The following SMAD9 variants were observed in gnomAD, a reference collection of about 807,000 sequenced individuals.
SMAD9 encodes MAD homolog 9.
SMAD9 carries 36 observed loss-of-function variants against 46.1 expected under a neutral mutation model. The ratio of observed to expected loss-of-function variants is 0.78; its 90% CI spans 0.60 to 1.03. The LOEUF is 1.03. Among genes scored for constraint, SMAD9 ranks in the 50% least tolerant of loss-of-function variants. The pLI is 0.00. For missense variants in SMAD9, 572 were observed against 599.8 expected (o/e 0.95, Z 0.48); for synonymous variants, 245 against 237.1 (o/e 1.03, Z -0.31).
chr13:36,879,222 TGGG>T (rs1485086277), intron 2 of SMAD9, 53 bp downstream of exon 2: 6 of 1,461,052 alleles, frequency 4.1e-6, no homozygotes, highest in Non-Finnish European at 4.8e-6. Context: ...TCTCCATCAA[TGGG>T]GCACACGACC....
intron 5 of SMAD9, among the ~76,000 whole-genome samples, chr13:36,861,227 T>C (rs2058178593): frequency 6.6e-6 from 1 of 152,180 alleles, no homozygotes; most frequent in African/African-American, 2.4e-5. Flanking sequence ...TTAGCTAATT[T>C]AAGTCACAAG....
At chr13:36,885,419 T>C (rs1037244866) in intron 1 of SMAD9, among the ~76,000 whole-genome samples, 1 of 152,030 alleles carries the variant, frequency 6.6e-6, no homozygotes, top group East Asian at 1.9e-4. Flanking sequence ...TTAATTCAAA[T>C]TTGTCCTCAC....
chr13:36,918,723 GC>G (rs1445972150), intron 1 of SMAD9, among the ~76,000 whole-genome samples: 1 of 152,104 alleles, frequency 6.6e-6, no homozygotes, highest in Non-Finnish European at 1.5e-5. Flanking sequence ...AATGTCTTTG[GC>G]TTTTATTTTA....
At chr13:36,878,544 A>G (rs1274409808) in intron 2 of SMAD9, among the ~76,000 whole-genome samples, 1 of 152,238 alleles carries the variant, frequency 6.6e-6, no homozygotes, top group East Asian at 1.9e-4. Flanking sequence ...ATGTATTTCC[A>G]TCATTAAGTG....
chr13:36,908,847 C>T (rs1593626163), intron 1 of SMAD9, among the ~76,000 whole-genome samples: 1 of 152,244 alleles, frequency 6.6e-6, no homozygotes, highest in Non-Finnish European at 1.5e-5. Flanking sequence ...TTTTTATATT[C>T]ACACTGAATT....
upstream of SMAD9, among the ~76,000 whole-genome samples, chr13:36,920,454 T>A (rs1207969022): frequency 6.6e-6 from 1 of 150,754 alleles, no homozygotes; most frequent in African/African-American, 2.5e-5. Flanking sequence ...GGGGTAGTAC[T>A]CCTCGCAGCG....
At chr13:36,865,780 A>AAC (rs771053634) in intron 4 of SMAD9, 22 bp from the exon 5 acceptor site, 1 of 1,578,406 alleles carries the variant, frequency 6.3e-7, no homozygotes, top group East Asian at 2.2e-5. Context: ...CAAACCAGAG[A>AAC]ACACATGGCT....
intron 3 of SMAD9, among the ~76,000 whole-genome samples, chr13:36,867,684 T>C (rs541871663): frequency 6.6e-6 from 1 of 152,310 alleles, no homozygotes; most frequent in Non-Finnish European, 1.5e-5. Flanking sequence ...TTCTCCTAGC[T>C]TTTCTCATAG....
At chr13:36,915,477 A>C (rs983877818) in intron 1 of SMAD9, among the ~76,000 whole-genome samples, 2 of 152,182 alleles carry the variant, frequency 1.3e-5, no homozygotes, top group African/African-American at 4.8e-5. Context: ...AATTTCCCCA[A>C]GGGGAAATTC....
At chr13:36,867,464 TA>T (rs1386983648) in intron 3 of SMAD9, 81 bp from the exon 4 acceptor site, 2 of 917,988 alleles carry the variant, frequency 2.2e-6, no homozygotes, top group Admixed American at 4.7e-5. Context: ...CTTTTGCCAT[TA>T]AACTCCTGAG....
intron 2 of SMAD9, among the ~76,000 whole-genome samples, chr13:36,877,292 G>A (rs575817681): frequency 6.6e-6 from 1 of 152,294 alleles, no homozygotes; most frequent in African/African-American, 2.4e-5. Flanking sequence ...AACTGGGGAG[G>A]TGACGGTTGC....
chr13:36,914,896 G>A (rs970986200), intron 1 of SMAD9, among the ~76,000 whole-genome samples: 36 of 152,164 alleles, frequency 2.4e-4, no homozygotes, highest in African/African-American at 8.0e-4. Context: ...AAGTACGTAG[G>A]ACAAAATCCT....
In SMAD9 at chr13:36,865,787, G is replaced by A. The variant is rs529942038; in HGVS notation, c.782-29C>T. On this transcript the variant is annotated intron_variant, in intron 4 of 6. Coordinates refer to ENST00000379826, the MANE Select transcript of SMAD9 (RefSeq NM_001127217.3). ...GAAGAAAACAAACCAGAGAACACAT[G>A]GCTACTGTCATACCTGGGCTGTGTA... 8 of 1,553,380 alleles carry A rather than the reference G, an allele frequency of 5.2e-6. No individual in the cohort carries two copies. In the East Asian group the frequency reaches 1.6e-4, roughly 31 times the overall value.
At chr13:36,851,937 C>A in intron 6 of SMAD9, 1 of 972,004 alleles carries the variant, frequency 1.0e-6, no homozygotes, top group Non-Finnish European at 1.2e-6. Flanking sequence ...GAGATATTGG[C>A]ATTTCATCCT....
At chr13:36,858,631 T>C (rs1478447223) in intron 5 of SMAD9, among the ~76,000 whole-genome samples, 5 of 152,144 alleles carry the variant, frequency 3.3e-5, no homozygotes, top group Non-Finnish European at 7.3e-5. Flanking sequence ...CCACTGCTGC[T>C]GCCTTCCAGA....
At chr13:36,900,671 C>T (rs2058566854) in intron 1 of SMAD9, among the ~76,000 whole-genome samples, 1 of 142,948 alleles carries the variant, frequency 7.0e-6, no homozygotes. Context: ...ACCACTAAAA[C>T]TATCATTATG....
chr13:36,906,167 G>A (rs572474065), intron 1 of SMAD9, among the ~76,000 whole-genome samples: 3 of 152,020 alleles, frequency 2.0e-5, no homozygotes, highest in Non-Finnish European at 4.4e-5. Context: ...CTGTGTCATT[G>A]AATGTTATAT....
In SMAD9 at chr13:36,858,206, TA is replaced by T. The variant is rs201243695; in HGVS notation, c.1004-4532del. 7.4e-3 allele frequency among the ~76,000 whole-genome samples: 1,119 copies of T among 151,220 alleles called. 15 individuals are homozygous for T. Among genetic ancestry groups the T allele is most frequent in the African/African-American group, 0.026 (1,068 of 41,256 alleles). Reference sequence around the variant, plus strand: ...ACAATAAAAAAGTTTTAATGGGTGGTAAAAAAAAATACTAATAATATAAAAA... The same window carrying T: ...ACAATAAAAAAGTTTTAATGGGTGGTAAAAAAAATACTAATAATATAAAAA... On this transcript the variant is annotated intron_variant, in intron 5 of 6. Transcript: ENST00000379826.
chr13:36,911,173 A>G lies in SMAD9; in HGVS notation c.-187+8943T>C, dbSNP rs503971. Among the ~76,000 whole-genome samples, 789 of 152,016 alleles carry G rather than the reference A, an allele frequency of 5.2e-3. 5 individuals are homozygous for G. The highest frequency in any genetic ancestry group is 0.018 in the African/African-American group (760 of 41,450). The stretch of plus-strand genomic sequence containing the variant: ...GGCACGCCCCACCAAGACCAGCTAA[A>G]TTTTTAAAATATTTTTCTCATAGAA... On this transcript the variant is annotated intron_variant, in intron 1 of 6. Coordinates refer to ENST00000379826, the MANE Select transcript of SMAD9 (RefSeq NM_001127217.3).
Sources: allele counts gnomAD v4.1 joint callset (sites outside exome capture counted in the v4.1 genomes callset), GRCh38; gene constraint gnomAD v4.1.1; transcripts MANE v1.5; gene names NCBI Gene and HGNC (gene_info 2026-07-23, HGNC 2026-07-21).